The following ZMYM2 variants were observed in gnomAD, a reference collection of about 807,000 sequenced individuals.
ZMYM2 encodes zinc finger MYM-type protein 2.
Under a neutral mutation model 162.8 loss-of-function variants are expected in ZMYM2, and 56 were observed. That is an observed-to-expected ratio of 0.34 (90% CI 0.28 to 0.43). The LOEUF is 0.43. Ranked by LOEUF, ZMYM2 falls within the 20% of genes least tolerant of loss-of-function variation. The pLI, the probability that ZMYM2 is intolerant of heterozygous loss-of-function variation, is 1.00. For missense variants in ZMYM2, 1,275 were observed against 1,621.8 expected, an observed-to-expected ratio of 0.79 and a Z score of 3.67; for synonymous variants, 510 against 541.6, an observed-to-expected ratio of 0.94 and a Z score of 0.81.
At chr13:20,077,886 A>G (rs1285332470) in intron 21 of ZMYM2, among the ~76,000 whole-genome samples, 1 of 147,020 alleles carries the variant, frequency 6.8e-6, no homozygotes, top group Non-Finnish European at 1.5e-5. Flanking sequence ...TCTGTCACCC[A>G]GGCTGGAGTG....
intron 7 of ZMYM2, chr13:20,026,321 A>G (rs1826934468): frequency 4.7e-6 from 1 of 214,340 alleles, no homozygotes; most frequent in African/African-American, 2.3e-5. Context: ...CCTTTCCTAA[A>G]TTTTTCAGGT....
intron 2 of ZMYM2, among the ~76,000 whole-genome samples, chr13:19,982,230 T>G (rs1442094959): frequency 6.6e-6 from 1 of 151,848 alleles, no homozygotes; most frequent in Non-Finnish European, 1.5e-5. Flanking sequence ...AAAGGAAATG[T>G]AGGTTTCTAA....
chr13:19,894,013 G>A, the ZMYM2 span, among the ~76,000 whole-genome samples: 1 of 151,682 alleles, frequency 6.6e-6, no homozygotes, highest in African/African-American at 2.4e-5. Flanking sequence ...GTTTCTATAT[G>A]TGAGTAAAGT....
the ZMYM2 span, among the ~76,000 whole-genome samples, chr13:19,935,843 T>C: frequency 6.6e-6 from 1 of 152,214 alleles, no homozygotes; most frequent in Non-Finnish European, 1.5e-5. Context: ...TTCTAGGGTT[T>C]CTTTTTCTGG....
At chr13:19,914,256 C>T in the ZMYM2 span, among the ~76,000 whole-genome samples, 15 of 152,210 alleles carry the variant, frequency 9.9e-5, no homozygotes, top group African/African-American at 3.6e-4. Context: ...AAAGAGTGAC[C>T]TCCCAGCAGA....
intron 4 of ZMYM2, among the ~76,000 whole-genome samples, chr13:20,004,825 C>A (rs1950627265): frequency 6.6e-6 from 1 of 151,890 alleles, no homozygotes; most frequent in Non-Finnish European, 1.5e-5. Context: ...TATTTGAAAT[C>A]CTTTTTAGTG....
intron 9 of ZMYM2, 74 bp from the exon 10 acceptor site, chr13:20,031,245 G>GAT (rs1270592710): frequency 2.0e-6 from 2 of 1,018,842 alleles, no homozygotes; most frequent in East Asian, 2.6e-5. Flanking sequence ...GGACATCGTA[G>GAT]ATATATGACA....
the ZMYM2 span, among the ~76,000 whole-genome samples, chr13:19,923,126 G>T: frequency 6.6e-6 from 1 of 150,494 alleles, no homozygotes; most frequent in East Asian, 2.0e-4. Flanking sequence ...GATCGCCTGA[G>T]GTCAGGAGTT....
intron 2 of ZMYM2, among the ~76,000 whole-genome samples, chr13:19,978,897 C>A (rs1391020253): frequency 6.6e-6 from 1 of 152,184 alleles, no homozygotes; most frequent in East Asian, 1.9e-4. Context: ...GAAGAACTCT[C>A]TTCAGCATTT....
At chr13:20,027,416 G>A (rs7997502) in intron 9 of ZMYM2, 98 bp downstream of exon 9, 48,569 of 928,184 alleles carry the variant, frequency 0.052, 1,533 homozygotes, top group African/African-American at 0.1. Flanking sequence ...TAATTTTTAC[G>A]TAGCTTGTTG....
At chr13:19,892,358 G>A in the ZMYM2 span, among the ~76,000 whole-genome samples, 2 of 151,800 alleles carry the variant, frequency 1.3e-5, no homozygotes, top group South Asian at 4.2e-4. Flanking sequence ...TGCAAGCTCC[G>A]CCTCCTGGGT....
intron 6 of ZMYM2, among the ~76,000 whole-genome samples, chr13:20,009,262 A>G (rs966656565): frequency 2.6e-5 from 4 of 152,326 alleles, no homozygotes; most frequent in South Asian, 2.1e-4. Flanking sequence ...GATAATTATT[A>G]AAGTACTACC....
chr13:19,921,496 A>T, the ZMYM2 span, among the ~76,000 whole-genome samples: 1 of 152,120 alleles, frequency 6.6e-6, no homozygotes, highest in Non-Finnish European at 1.5e-5. Flanking sequence ...CCATTCCAGT[A>T]CAATATTGAT....
chr13:19,888,229 C>T, the ZMYM2 span, among the ~76,000 whole-genome samples: 2 of 151,644 alleles, frequency 1.3e-5, no homozygotes, highest in Admixed American at 6.6e-5. Flanking sequence ...CACTCTGTTG[C>T]CCAAGCTGGA....
At chr13:19,970,063 G>A (rs1486488253) in intron 2 of ZMYM2, 2 of 985,200 alleles carry the variant, frequency 2.0e-6, no homozygotes, top group Non-Finnish European at 1.2e-6. Flanking sequence ...TTGAAGTCAC[G>A]TAAAGAAGGT....
intron 12 of ZMYM2, among the ~76,000 whole-genome samples, chr13:20,047,849 G>T (rs530704368): frequency 6.6e-6 from 1 of 151,878 alleles, no homozygotes; most frequent in African/African-American, 2.4e-5. Flanking sequence ...TAAAATTAAC[G>T]TATTTTTCTT....
At chr13:19,896,473 T>TTGGCTGAGCGTGG in the ZMYM2 span, among the ~76,000 whole-genome samples, 1 of 149,678 alleles carries the variant, frequency 6.7e-6, no homozygotes, top group African/African-American at 2.5e-5. Flanking sequence ...AATGGAATCC[T>TTGGCTGAGCGTGG]TGGCTGAGCG....
chr13:20,011,536 A>G (rs1006227798), intron 6 of ZMYM2, among the ~76,000 whole-genome samples: 2 of 150,946 alleles, frequency 1.3e-5, no homozygotes, highest in African/African-American at 2.4e-5. Flanking sequence ...TACTTTCTCA[A>G]TAATGTCCTT....
chr13:20,024,151 T>TCTCGAACTCCCAACCTCATG (rs1041787865), intron 7 of ZMYM2, among the ~76,000 whole-genome samples: 1 of 152,134 alleles, frequency 6.6e-6, no homozygotes, highest in Non-Finnish European at 1.5e-5. Context: ...GCCAGGCTGG[T>TCTCGAACTCCCAACCTCATG]CTCGAACTCC....
Sources: allele counts gnomAD v4.1 joint callset (sites outside exome capture counted in the v4.1 genomes callset), GRCh38; gene constraint gnomAD v4.1.1; transcripts MANE v1.5; gene names NCBI Gene and HGNC (gene_info 2026-07-23, HGNC 2026-07-21).